Variants in PRKCA observed in about 807,000 individuals in gnomAD.
PRKCA encodes the protein protein kinase C alpha.
Under a neutral mutation model 87.0 loss-of-function variants are expected in PRKCA, and 27 were observed. The observed-to-expected ratio is 0.31, with a 90% CI of 0.23 to 0.43. The LOEUF (loss-of-function observed/expected upper bound fraction) is 0.43, where lower values mean the gene tolerates loss of function less well. Among genes scored for constraint, PRKCA ranks in the 20% least tolerant of loss-of-function variants. The pLI, the probability that PRKCA is intolerant of heterozygous loss-of-function variation, is 1.00. For synonymous variants in PRKCA, 329 were observed against 311.1 expected (o/e 1.06, Z -0.61); for missense variants, 518 against 852.3 (o/e 0.61, Z 4.88).
At chr17:66,545,590 A>G (rs539887845) in intron 3 of PRKCA, among the ~76,000 whole-genome samples, 1 of 152,282 alleles carries the variant, frequency 6.6e-6, no homozygotes, top group African/African-American at 2.4e-5. Flanking sequence ...TAGAGCTAAA[A>G]TATCGGGAGA....
intron 4 of PRKCA, among the ~76,000 whole-genome samples, chr17:66,642,437 T>C (rs1971324859): frequency 6.6e-6 from 1 of 152,104 alleles, no homozygotes; most frequent in African/African-American, 2.4e-5. Context: ...CCTGCTTTGA[T>C]CGTTCTTAAA....
intron 8 of PRKCA, among the ~76,000 whole-genome samples, chr17:66,721,062 C>T (rs1036789909): frequency 6.6e-6 from 1 of 152,012 alleles, no homozygotes; most frequent in Non-Finnish European, 1.5e-5. Flanking sequence ...GGGGCAAGTC[C>T]ACAGAGTAAA....
intron 4 of PRKCA, 31 bp from the exon 5 acceptor site, chr17:66,645,352 C>G (rs750894834): frequency 1.2e-6 from 2 of 1,613,674 alleles, no homozygotes; most frequent in African/African-American, 2.7e-5. Context: ...GTCCATATGC[C>G]CAGCTCACCC....
At chr17:66,415,693 T>C (rs538080837) in intron 2 of PRKCA, 2 of 152,346 alleles carry the variant, frequency 1.3e-5, no homozygotes, top group East Asian at 1.9e-4. Context: ...TCTAGCCCTT[T>C]CCAGCTCGAA....
intron 2 of PRKCA, among the ~76,000 whole-genome samples, chr17:66,450,026 T>TG (rs976366879): frequency 6.6e-6 from 1 of 152,122 alleles, no homozygotes; most frequent in African/African-American, 2.4e-5. Context: ...TTTTTGTTTT[T>TG]TTTTTAAGCA....
At chr17:66,455,239 C>T (rs1914529078) in intron 2 of PRKCA, among the ~76,000 whole-genome samples, 1 of 152,126 alleles carries the variant, frequency 6.6e-6, no homozygotes, top group Non-Finnish European at 1.5e-5. Context: ...GAATTTGGAG[C>T]CTAGTTCTTT....
intron 3 of PRKCA, among the ~76,000 whole-genome samples, chr17:66,507,506 A>G (rs934088361): frequency 6.6e-6 from 1 of 152,174 alleles, no homozygotes; most frequent in African/African-American, 2.4e-5. Flanking sequence ...ATGGTAAAAG[A>G]AATTTGGAAT....
intron 5 of PRKCA, among the ~76,000 whole-genome samples, chr17:66,646,239 G>A (rs901803662): frequency 3.9e-5 from 6 of 152,116 alleles, no homozygotes; most frequent in African/African-American, 1.2e-4. Flanking sequence ...CTCCCTCCTC[G>A]GGGCTGTTTC....
At chr17:66,780,635 C>T (rs1043883000) in intron 14 of PRKCA, among the ~76,000 whole-genome samples, 1 of 151,768 alleles carries the variant, frequency 6.6e-6, no homozygotes, top group Non-Finnish European at 1.5e-5. Context: ...CATGATCGCA[C>T]CACTGCACTC....
intron 3 of PRKCA, among the ~76,000 whole-genome samples, chr17:66,562,092 TA>T (rs1968706889): frequency 1.8e-5 from 2 of 112,718 alleles, no homozygotes; most frequent in Non-Finnish European, 3.7e-5. Context: ...TATAATTAAA[TA>T]TATATAATTA....
At chr17:66,698,280 T>C (rs1972976434) in intron 8 of PRKCA, among the ~76,000 whole-genome samples, 1 of 152,108 alleles carries the variant, frequency 6.6e-6, no homozygotes, top group South Asian at 2.1e-4. Context: ...TACTAAAAAA[T>C]GGAGATCTAA....
At chr17:66,430,960 C>T (rs1913070188) in intron 2 of PRKCA, among the ~76,000 whole-genome samples, 1 of 152,176 alleles carries the variant, frequency 6.6e-6, no homozygotes, top group Non-Finnish European at 1.5e-5. Flanking sequence ...AAGGAAATCA[C>T]AGGCCCCAAG....
At chr17:66,684,042 G>T (rs1240780939) in intron 5 of PRKCA, among the ~76,000 whole-genome samples, 1 of 151,970 alleles carries the variant, frequency 6.6e-6, no homozygotes, top group African/African-American at 2.4e-5. Flanking sequence ...ATGCCCCCTA[G>T]CATTGCCTCT....
At chr17:66,381,972 T>A (rs183949957) in intron 2 of PRKCA, among the ~76,000 whole-genome samples, 1 of 152,196 alleles carries the variant, frequency 6.6e-6, no homozygotes, top group African/African-American at 2.4e-5. Context: ...AATAAGGTGC[T>A]CCAAAACCAT....
chr17:66,699,430 G>C (rs768917139), intron 8 of PRKCA, among the ~76,000 whole-genome samples: 8 of 152,136 alleles, frequency 5.3e-5, no homozygotes, highest in Non-Finnish European at 8.8e-5. Flanking sequence ...TAACCCAGAA[G>C]ATATGAATAA....
intron 2 of PRKCA, chr17:66,339,759 A>G (rs1407343229): frequency 6.6e-6 from 1 of 152,196 alleles, no homozygotes. Flanking sequence ...CTTTTGCTGC[A>G]TTAACCCCAA....
intron 3 of PRKCA, among the ~76,000 whole-genome samples, chr17:66,619,088 A>AT (rs58666676): frequency 4.6e-5 from 7 of 151,790 alleles, no homozygotes; most frequent in Non-Finnish European, 7.4e-5. Context: ...TAGTCTTGGC[A>AT]TTTTTTTTTC....
intron 2 of PRKCA, among the ~76,000 whole-genome samples, chr17:66,400,348 T>C (rs1388565851): frequency 6.6e-6 from 1 of 152,146 alleles, no homozygotes; most frequent in Admixed American, 6.5e-5. Context: ...GATGCGGTTT[T>C]GCCATGTTGG....
At chr17:66,338,528 A>G (rs1344221764) in intron 2 of PRKCA, among the ~76,000 whole-genome samples, 4 of 152,096 alleles carry the variant, frequency 2.6e-5, no homozygotes, top group Non-Finnish European at 5.9e-5. Context: ...TATTTTCATT[A>G]TGCAACTCTT....
Sources: allele counts gnomAD v4.1 joint callset (sites outside exome capture counted in the v4.1 genomes callset), GRCh38; gene constraint gnomAD v4.1.1; transcripts MANE v1.5; gene names NCBI Gene and HGNC (gene_info 2026-07-23, HGNC 2026-07-21).